IWS1: variants seen among roughly 807,000 people sequenced by gnomAD.
IWS1 encodes the protein protein IWS1 homolog.
A neutral mutation model predicts 86.7 loss-of-function variants in IWS1; 27 were observed. The observed-to-expected ratio is 0.31, with a 90% CI of 0.23 to 0.43. The LOEUF (loss-of-function observed/expected upper bound fraction) is 0.43. Among genes scored for constraint, IWS1 ranks in the 20% least tolerant of loss-of-function variants. The pLI is 1.00. For synonymous variants in IWS1, 313 were observed against 335.1 expected (o/e 0.93, Z 0.72); for missense variants, 827 against 1,000.8 (o/e 0.83, Z 2.34).
At position 127,495,987 on chromosome 2, in the gene IWS1, A is replaced by T. The variant is rs759751444; in HGVS notation, c.1716+11T>A. The T allele has an allele frequency of 8.1e-6, 13 of 1,602,516 alleles. No homozygotes were observed. The South Asian group carries it at 1.1e-4, about 14-fold the overall frequency. The stretch of plus-strand genomic sequence containing the variant: ...GGAAAAAAAGGTGAACCTAGAAGCG[A>T]CCCAGCTCACCTCAGCAGCTTCATT... On this transcript the variant is annotated intron_variant, in intron 7 of 13. Transcript: ENST00000295321.
chr2:127,509,759 C>T (rs774687869), intron 2 of IWS1, among the ~76,000 whole-genome samples: 2 of 143,890 alleles, frequency 1.4e-5, no homozygotes, highest in African/African-American at 5.1e-5. Flanking sequence ...ATACCTCCTT[C>T]TTAGCCATCA....
Position 127,504,722 on chromosome 2 carries a change from G to C in IWS1, c.1181C>G (p.Ala394Gly). ...GEEEKVAKRK[A>G]AVLSDSEDEE... is the part of the protein sequence containing the mutation. ...ATCTTCACTATCAGAAAGCACAGCA[G>C]CTTTTCTCTTCGCTACTTTCTCCTC... The change falls in exon 3 of 14, where the codon GCT becomes GGT. Residue 394 changes from alanine to glycine, a missense_variant. Ala to Gly is a moderately conservative substitution (Grantham distance 60). Coordinates refer to ENST00000295321, the MANE Select transcript of IWS1 (RefSeq NM_017969.3). 1 of 1,611,726 alleles carries C rather than the reference G, an allele frequency of 6.2e-7. No individual in the cohort carries two copies. Among genetic ancestry groups the C allele is most frequent in the Non-Finnish European group, 8.5e-7 (1 of 1,179,068 alleles).
chr2:127,502,817 TA>T lies in IWS1; in HGVS notation c.1464del (p.Phe488LeufsTer18). On this transcript the variant is annotated frameshift_variant, in exon 5 of 14. Coordinates refer to ENST00000295321, the MANE Select transcript of IWS1 (RefSeq NM_017969.3). LOFTEE classifies it high-confidence loss of function. ...AAATATTTCCATCTTATACTTACTG[TA>T]AATTCTTCTTCCTCTTCATCACCAG... The part of the protein sequence containing the change: ...GESGDEEEEE[F>X]TGFNQEDLEE... 1 of 1,525,568 alleles carries T rather than the reference TA, an allele frequency of 6.6e-7. No individual in the cohort carries two copies. Among genetic ancestry groups the T allele is most frequent in the Non-Finnish European group, 9.1e-7 (1 of 1,102,668 alleles). The allele number at this position is 1,525,568 out of a possible 1,614,324, so 94.5% of individuals were successfully genotyped here.
At chr2:127,503,298 A>C in intron 4 of IWS1, 89 bp downstream of exon 4, 1 of 927,228 alleles carries the variant, frequency 1.1e-6, no homozygotes, top group Non-Finnish European at 1.6e-6. Flanking sequence ...AAGACATGCA[A>C]TTAGGCAGGA....
Position 127,512,899 on chromosome 2 carries a change from C to T in IWS1, c.151-7147G>A, listed in dbSNP as rs58164278. 2.6e-5 allele frequency among the ~76,000 whole-genome samples: 4 copies of T among 152,300 alleles called. No homozygotes were observed. In the East Asian group the frequency reaches 7.7e-4, roughly 29 times the overall value. On this transcript the variant is annotated intron_variant, in intron 2 of 13. Coordinates refer to ENST00000295321, the MANE Select transcript of IWS1 (RefSeq NM_017969.3). ...AATAAATTATCACACATTATATAAA[C>T]TTAAGCAAGAGTGCCAATTTTTTGG...
At chr2:127,483,621 TGTGC>T (rs143126236) in intron 13 of IWS1, among the ~76,000 whole-genome samples, 19,044 of 27,426 alleles carry the variant, frequency 0.69, 6,372 homozygotes, top group East Asian at 0.83. Context: ...TGTGTGTGTG[TGTGC>T]GTGTGCGTGT....
At chr2:127,488,664 C>A (rs1276809518) in intron 12 of IWS1, among the ~76,000 whole-genome samples, 1 of 152,222 alleles carries the variant, frequency 6.6e-6, no homozygotes, top group African/African-American at 2.4e-5. Flanking sequence ...GGCTTCACAT[C>A]CAGCCTCAAA....
intron 2 of IWS1, among the ~76,000 whole-genome samples, chr2:127,516,194 C>A (rs1447688123): frequency 1.3e-5 from 2 of 152,108 alleles, no homozygotes; most frequent in Non-Finnish European, 1.5e-5. Flanking sequence ...AACTCCATGT[C>A]TACAACACAA....
rs1438740215 is a variant in IWS1, at chr2:127,526,258, C to T, written c.-50G>A. The T allele has an allele frequency of 6.5e-7, 1 of 1,548,682 alleles. No homozygotes were observed. The highest frequency in any genetic ancestry group is 1.2e-5 in the South Asian group (1 of 84,124). On this transcript the variant is annotated 5_prime_UTR_variant, in exon 1 of 14. Coordinates refer to ENST00000295321, the MANE Select transcript of IWS1 (RefSeq NM_017969.3). ...TGTCCGCGCCCCGCGCCGCCCCCGT[C>T]ACCTCCTTCCAGGCGGTGTGACCCC...
intron 1 of IWS1, among the ~76,000 whole-genome samples, chr2:127,525,039 G>A (rs1692317685): frequency 6.9e-6 from 1 of 145,544 alleles, no homozygotes; most frequent in Non-Finnish European, 1.5e-5. Context: ...GGGACTACAG[G>A]TGTATGCCAC....
intron 13 of IWS1, among the ~76,000 whole-genome samples, chr2:127,484,963 C>T (rs1335823302): frequency 6.6e-6 from 1 of 151,838 alleles, no homozygotes; most frequent in Non-Finnish European, 1.5e-5. Context: ...CACCACTGCA[C>T]TCCAACCTGG....
At chr2:127,495,812 T>G (rs985571341) in intron 7 of IWS1, among the ~76,000 whole-genome samples, 186 bp downstream of exon 7, 3 of 152,220 alleles carry the variant, frequency 2.0e-5, no homozygotes, top group Non-Finnish European at 4.4e-5. Flanking sequence ...CCTCATATTT[T>G]CACTTTTTCT....
At chr2:127,502,725 C>T (rs958545149) in intron 5 of IWS1, 90 bp downstream of exon 5, 6 of 641,266 alleles carry the variant, frequency 9.4e-6, no homozygotes, top group Admixed American at 2.5e-5. Context: ...TTTATTCCTA[C>T]TTATTAGAAT....
rs568635261 is a variant in IWS1 at position 127,525,414 on chromosome 2, A to G, written c.34+761T>C. 1.4e-4 allele frequency among the ~76,000 whole-genome samples: 21 copies of G among 152,258 alleles called. No individual in the cohort carries two copies. The South Asian group carries it at 3.9e-3, about 29-fold the overall frequency. Reference sequence around the variant, plus strand: ...ACTCAAGTTTTCTTTTTAATTTTCAATTTTTGTGGGTACATAGAGGGTGTA... The same window carrying G: ...ACTCAAGTTTTCTTTTTAATTTTCAGTTTTTGTGGGTACATAGAGGGTGTA... On this transcript the variant is annotated intron_variant, in intron 1 of 13. Coordinates refer to ENST00000295321, the MANE Select transcript of IWS1 (RefSeq NM_017969.3).
At chr2:127,492,463 T>C (rs1558744583) in intron 9 of IWS1, among the ~76,000 whole-genome samples, 1 of 151,964 alleles carries the variant, frequency 6.6e-6, no homozygotes, top group East Asian at 1.9e-4. Context: ...GGAGAATCGC[T>C]TGAACCTAGG....
At chr2:127,509,351 A>AC (rs1399522037) in intron 2 of IWS1, among the ~76,000 whole-genome samples, 1 of 152,196 alleles carries the variant, frequency 6.6e-6, no homozygotes, top group Non-Finnish European at 1.5e-5. Context: ...ATAATGTAAC[A>AC]CATTTCCTAG....
At chr2:127,509,997 C>G (rs1275674326) in intron 2 of IWS1, among the ~76,000 whole-genome samples, 5 of 152,104 alleles carry the variant, frequency 3.3e-5, no homozygotes, top group Non-Finnish European at 1.5e-5. Context: ...TGTATAGACC[C>G]AAATAACTCA....
rs762747739 is a variant in IWS1 at position 127,498,161 on chromosome 2, T to C, written c.1544A>G (p.Asp515Gly). ...VKEAEDSDSD[D>G]NIKRGKHMDF... ...TTACTGTTTTCCTCTCTTTATGTTATCATCAGAATCTGAATCTTCTGCTTC... is the reference window on the plus strand; with the variant it reads ...TTACTGTTTTCCTCTCTTTATGTTACCATCAGAATCTGAATCTTCTGCTTC... Residue 515 changes from aspartate (D) to glycine (G), a missense_variant, in exon 6 of 14, where the codon GAT (aspartate) becomes GGT (glycine). Coordinates refer to ENST00000295321, the MANE Select transcript of IWS1 (RefSeq NM_017969.3). 3.8e-6 allele frequency: 6 copies of C among 1,585,218 alleles called. No individual in the cohort carries two copies. The highest frequency in any genetic ancestry group is 5.2e-6 in the Non-Finnish European group (6 of 1,154,138).
intron 13 of IWS1, among the ~76,000 whole-genome samples, chr2:127,484,037 C>T (rs575997886): frequency 6.6e-6 from 1 of 152,210 alleles, no homozygotes; most frequent in Non-Finnish European, 1.5e-5. Context: ...GGCATGGTGG[C>T]TCACACCTGT....
Sources: gnomAD v4.1 joint callset for allele counts (sites outside exome capture counted in the v4.1 genomes callset) on GRCh38, gnomAD v4.1.1 for gene constraint, MANE v1.5 for transcripts, NCBI Gene and HGNC (gene_info 2026-07-23, HGNC 2026-07-21) for gene names.